The following DUSP29 variants were observed in gnomAD, a reference collection of about 807,000 sequenced individuals.
DUSP29 encodes the protein atypical dual-specific protein phosphatase.
DUSP29 carries 12 observed loss-of-function variants against 13.5 expected under a neutral mutation model. That is an observed-to-expected ratio of 0.89 (90% CI 0.57 to 1.44). The LOEUF is 1.44. Among genes scored for constraint, DUSP29 ranks in the 40% most tolerant of loss-of-function variants. DUSP29 has a pLI of 0.00. For synonymous variants in DUSP29, 134 were observed against 128.7 expected (o/e 1.04, Z -0.28); for missense variants, 308 against 301.1 (o/e 1.02, Z -0.17).
intron 2 of DUSP29, 23 bp downstream of exon 2, chr10:75,058,292 C>T (rs370447182): frequency 8.8e-5 from 141 of 1,596,964 alleles, no homozygotes; most frequent in Middle Eastern, 4.0e-4. Context: ...TGCTCCCAAG[C>T]GAGCCTGGGC....
intron 1 of DUSP29, among the ~76,000 whole-genome samples, chr10:75,066,090 G>T (rs1442954966): frequency 6.6e-6 from 1 of 152,092 alleles, no homozygotes; most frequent in Non-Finnish European, 1.5e-5. Context: ...AAGAGGTGGA[G>T]TGAAACAAAG....
chr10:75,062,380 TC>T (rs1426663540), intron 1 of DUSP29, among the ~76,000 whole-genome samples: 1 of 152,218 alleles, frequency 6.6e-6, no homozygotes. Flanking sequence ...TCCGTCTGCC[TC>T]CTTTGATCAC....
At chr10:75,053,859 G>GA (rs1359628497) in intron 2 of DUSP29, among the ~76,000 whole-genome samples, 2 of 152,102 alleles carry the variant, frequency 1.3e-5, no homozygotes, top group Non-Finnish European at 2.9e-5. Flanking sequence ...ATGAATGAAT[G>GA]AACTCTCTGA....
chr10:75,043,998 A>T lies in DUSP29; in HGVS notation c.220T>A (p.Tyr74Asn). 6.2e-7 allele frequency: 1 copy of T among 1,611,620 alleles called. No homozygotes were observed. The highest frequency in any genetic ancestry group is 2.2e-5 in the East Asian group (1 of 44,862). Reference sequence around the variant, plus strand: ...GTGAACCCCGCCTTCTGCAGCCTATAGCGGTCCAGCGCCGTCGCCCTGGGC... The same window carrying T: ...GTGAACCCCGCCTTCTGCAGCCTATTGCGGTCCAGCGCCGTCGCCCTGGGC... Reference protein sequence around the residue: ...IGDEATALDRYRLQKAGFTHV... With the variant: ...IGDEATALDRNRLQKAGFTHV... Residue 74 changes from tyrosine to asparagine, a missense_variant, in exon 3 of 4, where the codon TAT (tyrosine) becomes AAT (asparagine). Physicochemically the swap from Tyr to Asn is moderately radical, Grantham distance 143. Coordinates refer to ENST00000338487, the MANE Select transcript of DUSP29 (RefSeq NM_001003892.3).
At chr10:75,071,004 C>G (rs11001279) in intron 1 of DUSP29, among the ~76,000 whole-genome samples, 49,380 of 152,072 alleles carry the variant, frequency 0.32, 8,804 homozygotes, top group East Asian at 0.66. Flanking sequence ...CTCCCTGAGA[C>G]AGGGGCCCTG....
chr10:75,057,633 C>G (rs757464052), intron 2 of DUSP29, among the ~76,000 whole-genome samples: 1 of 151,926 alleles, frequency 6.6e-6, no homozygotes, highest in East Asian at 1.9e-4. Flanking sequence ...AAAGGATAGT[C>G]GTTATCATTA....
At chr10:75,058,700 C>G (rs577241716) in intron 1 of DUSP29, among the ~76,000 whole-genome samples, 152 bp from the exon 2 acceptor site, 2 of 152,198 alleles carry the variant, frequency 1.3e-5, no homozygotes, top group South Asian at 4.1e-4. Context: ...CCAGGCCACA[C>G]AGGTAAACAA....
intron 3 of DUSP29, among the ~76,000 whole-genome samples, chr10:75,040,855 A>T (rs888609100): frequency 2.0e-5 from 3 of 152,184 alleles, no homozygotes; most frequent in African/African-American, 7.2e-5. Context: ...AGTTCTTTAT[A>T]AAGGGTCAAG....
At position 75,037,905 on chromosome 10, in the gene DUSP29, C is replaced by T. The variant is rs1229132324; in HGVS notation, c.594G>A (p.Lys198=). The T allele has an allele frequency of 3.7e-6, 6 of 1,613,738 alleles. No homozygotes were observed. The highest frequency in any genetic ancestry group is 5.1e-6 in the Non-Finnish European group (6 of 1,179,980). ...GFLKQLRELD[K]QLVQQRRRSQ... ...ACCGTCGCCTCTGCTGCACCAGCTG[C>T]TTGTCCAGCTCCCGGAGCTGCTTCA... is the stretch of plus-strand genomic sequence containing the variant. Residue 198 remains lysine (K), a synonymous_variant, in exon 4 of 4, where the codon AAG becomes AAA. Coordinates refer to ENST00000338487, the MANE Select transcript of DUSP29 (RefSeq NM_001003892.3).
At chr10:75,073,011 A>C (rs1847367393) in intron 1 of DUSP29, among the ~76,000 whole-genome samples, 1 of 146,500 alleles carries the variant, frequency 6.8e-6, no homozygotes, top group African/African-American at 2.5e-5. Flanking sequence ...CATCTCTACC[A>C]CGGCAGCGTC....
chr10:75,048,558 C>T (rs1244340276), intron 2 of DUSP29, among the ~76,000 whole-genome samples: 1 of 152,036 alleles, frequency 6.6e-6, no homozygotes, highest in African/African-American at 2.4e-5. Context: ...TGCCACCATG[C>T]GTGGCTAATT....
At position 75,043,872 on chromosome 10, in the gene DUSP29, G is replaced by C. The variant is rs772406100; in HGVS notation, c.346C>G (p.Leu116Val). The C allele has an allele frequency of 1.9e-6, 3 of 1,614,084 alleles. No homozygotes were observed. In the African/African-American group the frequency reaches 4.0e-5, roughly 21 times the overall value. Residue 116 changes from leucine (L) to valine (V), a missense_variant, in exon 3 of 4, where the codon CTG (leucine) becomes GTG (valine). Leu to Val is a conservative substitution (Grantham distance 32). Coordinates refer to ENST00000338487, the MANE Select transcript of DUSP29 (RefSeq NM_001003892.3). Reference sequence around the variant, plus strand: ...AAGACACTGAGGTCGAAGGTGGGCAGGTCGTCGGCCTCCACGCCGTGGTAC... The same window carrying C: ...AAGACACTGAGGTCGAAGGTGGGCACGTCGTCGGCCTCCACGCCGTGGTAC... Reference protein sequence around the residue: ...IQYHGVEADDLPTFDLSVFFY... With the variant: ...IQYHGVEADDVPTFDLSVFFY...
At chr10:75,045,424 G>A (rs1301854252) in intron 2 of DUSP29, among the ~76,000 whole-genome samples, 1 of 152,154 alleles carries the variant, frequency 6.6e-6, no homozygotes, top group East Asian at 1.9e-4. Context: ...TACTAATGGG[G>A]GTAGGAAATA....
At chr10:75,072,659 G>A (rs1847356151) in intron 1 of DUSP29, among the ~76,000 whole-genome samples, 1 of 152,028 alleles carries the variant, frequency 6.6e-6, no homozygotes, top group South Asian at 2.1e-4. Flanking sequence ...AACATCCAGG[G>A]CCAGGGACCC....
At position 75,056,521 on chromosome 10, in the gene DUSP29, G is replaced by A. The variant is rs1349058575; in HGVS notation, c.200+1794C>T. Among the ~76,000 whole-genome samples, 3 of 151,414 alleles carry A rather than the reference G, an allele frequency of 2.0e-5. No homozygotes were observed. In the East Asian group the frequency reaches 5.9e-4, roughly 30 times the overall value. On this transcript the variant is annotated intron_variant, in intron 2 of 3. Coordinates refer to ENST00000338487, the MANE Select transcript of DUSP29 (RefSeq NM_001003892.3). ...ACATCTCAAAAAAAAAAAAAAATTA[G>A]CTGGGCGTGGTGGCGCATGCCTGTA...
chr10:75,069,017 T>C (rs539918241), intron 1 of DUSP29, among the ~76,000 whole-genome samples: 1 of 152,232 alleles, frequency 6.6e-6, no homozygotes, highest in Non-Finnish European at 1.5e-5. Flanking sequence ...GAGGCAATTA[T>C]GTGAATTAAT....
At chr10:75,065,488 C>A (rs1200646483) in intron 1 of DUSP29, among the ~76,000 whole-genome samples, 2 of 152,070 alleles carry the variant, frequency 1.3e-5, no homozygotes, top group Non-Finnish European at 2.9e-5. Context: ...GCCACCCCAC[C>A]CGGCTAAATT....
chr10:75,037,926 C>T lies in DUSP29; in HGVS notation c.573G>A (p.Lys191=). ...GCTGCTTGTCCAGCTCCCGGAGCTG[C>T]TTCAAAAAGCCCCGGTTCGGGAGGA... ...RCVLPNRGFL[K]QLRELDKQLV... The change falls in exon 4 of 4, where the codon AAG becomes AAA. Residue 191 remains lysine (K), a synonymous_variant. Coordinates refer to ENST00000338487, the MANE Select transcript of DUSP29 (RefSeq NM_001003892.3). 1 of 1,613,924 alleles carries T rather than the reference C, an allele frequency of 6.2e-7. No homozygotes were observed. The highest frequency in any genetic ancestry group is 8.5e-7 in the Non-Finnish European group (1 of 1,180,040).
chr10:75,065,656 AG>A (rs772956468), intron 1 of DUSP29, among the ~76,000 whole-genome samples: 1 of 151,486 alleles, frequency 6.6e-6, no homozygotes, highest in Non-Finnish European at 1.5e-5. Flanking sequence ...AGCCACATAC[AG>A]GCTTCTTGCT....
Sources: gnomAD v4.1 joint callset for allele counts (sites outside exome capture counted in the v4.1 genomes callset) on GRCh38, gnomAD v4.1.1 for gene constraint, MANE v1.5 for transcripts, NCBI Gene and HGNC (gene_info 2026-07-23, HGNC 2026-07-21) for gene names.